Variants in NAV1 observed in about 807,000 individuals in gnomAD.
NAV1 encodes the protein neuron navigator 1.
In NAV1, 18 loss-of-function variants were observed where a neutral mutation model predicts 175.2. The observed-to-expected ratio is 0.10, with a 90% confidence interval of 0.07 to 0.15. The LOEUF (loss-of-function observed/expected upper bound fraction) is 0.15, where lower values mean the gene tolerates loss of function less well. Among genes scored for constraint, NAV1 ranks in the 10% least tolerant of loss-of-function variants. The pLI is 1.00. For missense variants in NAV1, 1,731 were observed against 2,436.6 expected, an observed-to-expected ratio of 0.71 and a Z score of 6.10; for synonymous variants, 897 against 978.7, an observed-to-expected ratio of 0.92 and a Z score of 1.56.
At chr1:201,735,510 T>G (rs945840253) in intron 3 of NAV1, among the ~76,000 whole-genome samples, 1 of 152,188 alleles carries the variant, frequency 6.6e-6, no homozygotes, top group African/African-American at 2.4e-5. Context: ...CCCACATTCA[T>G]GCATGAGGAA....
chr1:201,728,862 T>C (rs1166178790), intron 3 of NAV1, among the ~76,000 whole-genome samples: 1 of 152,198 alleles, frequency 6.6e-6, no homozygotes, highest in Non-Finnish European at 1.5e-5. Flanking sequence ...GGTGAAAGGT[T>C]GGAGTAAGCC....
intron 1 of NAV1, among the ~76,000 whole-genome samples, chr1:201,673,670 G>C (rs1374586207): frequency 1.3e-5 from 2 of 152,182 alleles, no homozygotes; most frequent in Non-Finnish European, 2.9e-5. Flanking sequence ...AAGAGTTCAA[G>C]ACCCAGATCG....
intron 1 of NAV1, among the ~76,000 whole-genome samples, chr1:201,575,967 T>A (rs1343849385): frequency 2.0e-5 from 3 of 152,216 alleles, no homozygotes; most frequent in Non-Finnish European, 2.9e-5. Context: ...ATTGTAGATT[T>A]GCATGCAATT....
At chr1:201,651,076 G>A (rs1222468980) in intron 1 of NAV1, among the ~76,000 whole-genome samples, 2 of 151,908 alleles carry the variant, frequency 1.3e-5, no homozygotes, top group African/African-American at 4.8e-5. Flanking sequence ...CCATGTGATA[G>A]AGAGCCCTGC....
Position 201,780,542 on chromosome 1 carries a change from A to G in NAV1, c.1348A>G (p.Arg450Gly), listed in dbSNP as rs563323411. ...CCCAAGTACTCCCACTGCTTCTCGC[A>G]GGAACTCAACAATAGTGGTACGTGA... The change falls in exon 4 of 30, where the codon AGG becomes GGG. Residue 450 changes from arginine to glycine, a missense_variant. Physicochemically the swap from Arg to Gly is moderately radical, Grantham distance 125. This residue lies in a region of NAV1 where 634 missense variants were observed against 766.8 expected (regional missense o/e 0.83). Transcript: ENST00000367296. 1.1e-5 allele frequency: 17 copies of G among 1,614,212 alleles called. No individual in the cohort carries two copies. The Admixed American group carries it at 2.0e-4, about 19-fold the overall frequency.
chr1:201,550,651 G>T (rs995654280), intron 1 of NAV1, among the ~76,000 whole-genome samples: 14 of 152,202 alleles, frequency 9.2e-5, no homozygotes, highest in African/African-American at 3.1e-4. Flanking sequence ...AAGTATTGAA[G>T]AAGTTGACAC....
intron 1 of NAV1, among the ~76,000 whole-genome samples, chr1:201,557,763 C>T (rs1048216493): frequency 1.1e-4 from 17 of 152,216 alleles, no homozygotes; most frequent in Middle Eastern, 3.4e-3. Context: ...AAATGTCAAA[C>T]GTGGTTTTGT....
intron 2 of NAV1, among the ~76,000 whole-genome samples, chr1:201,594,608 G>A (rs1424854602): frequency 6.6e-6 from 1 of 152,252 alleles, no homozygotes; most frequent in Non-Finnish European, 1.5e-5. Context: ...GAGGAGGACA[G>A]GCAGGCAGCA....
chr1:201,564,352 C>A (rs933969150), intron 1 of NAV1, among the ~76,000 whole-genome samples: 3 of 152,130 alleles, frequency 2.0e-5, no homozygotes, highest in African/African-American at 7.2e-5. Context: ...CGGTAGCTCA[C>A]GCCTGTAATC....
At chr1:201,557,532 A>G (rs1666061951) in intron 1 of NAV1, among the ~76,000 whole-genome samples, 1 of 152,200 alleles carries the variant, frequency 6.6e-6, no homozygotes, top group East Asian at 1.9e-4. Context: ...AATTAAAGTC[A>G]GAAACCACCC....
chr1:201,736,065 A>G (rs1673101636), intron 3 of NAV1, among the ~76,000 whole-genome samples: 1 of 152,202 alleles, frequency 6.6e-6, no homozygotes, highest in South Asian at 2.1e-4. Flanking sequence ...CCTGGCTAGG[A>G]TGCAGAGGAG....
At chr1:201,713,266 G>A (rs1671989223) in intron 2 of NAV1, among the ~76,000 whole-genome samples, 1 of 152,184 alleles carries the variant, frequency 6.6e-6, no homozygotes, top group Non-Finnish European at 1.5e-5. Context: ...GTCAAGAGAA[G>A]GTTTACTAAA....
Position 201,692,213 on chromosome 1 carries a change from G to A in NAV1, c.758-20604G>A, listed in dbSNP as rs114006915. 4.6e-3 allele frequency among the ~76,000 whole-genome samples: 704 copies of A among 152,248 alleles called. 6 individuals are homozygous for A. The highest frequency in any genetic ancestry group is 0.017 in the African/African-American group (690 of 41,514). On this transcript the variant is annotated intron_variant, in intron 1 of 29. Coordinates refer to ENST00000367296, the Ensembl canonical transcript of NAV1. ...GGTGTGGATATAGAGAAGCAGGCAG[G>A]CAATTACATTACAACGTGGTGAATG...
At chr1:201,568,171 G>A (rs527293128) in intron 1 of NAV1, among the ~76,000 whole-genome samples, 58 of 152,244 alleles carry the variant, frequency 3.8e-4, no homozygotes, top group African/African-American at 1.4e-3. Context: ...GGCAGCTGTG[G>A]AGCACTTCCC....
At chr1:201,592,194 T>G (rs1667220070) in intron 2 of NAV1, among the ~76,000 whole-genome samples, 1 of 152,188 alleles carries the variant, frequency 6.6e-6, no homozygotes, top group African/African-American at 2.4e-5. Context: ...AAAAGCTGCC[T>G]GTCTCTCCTC....
intron 6 of NAV1, 127 bp from the exon 11 acceptor site, chr1:201,783,279 A>G (rs1676453746): frequency 1.0e-6 from 1 of 977,136 alleles, no homozygotes; most frequent in African/African-American, 1.6e-5. Context: ...TCACAACAGC[A>G]TTAGGATAAG....
chr1:201,799,990 TTTTTA>T (rs1446372372), intron 15 of NAV1, among the ~76,000 whole-genome samples: 1 of 152,014 alleles, frequency 6.6e-6, no homozygotes, highest in Non-Finnish European at 1.5e-5. Context: ...TTATTTTTTA[TTTTTA>T]TTTATTTATT....
At chr1:201,554,937 A>G (rs1303745261) in intron 1 of NAV1, among the ~76,000 whole-genome samples, 1 of 152,140 alleles carries the variant, frequency 6.6e-6, no homozygotes, top group Non-Finnish European at 1.5e-5. Context: ...GTGCTTTCCG[A>G]CAATCCTTGT....
chr1:201,540,610 AG>A (rs1665485698), intron 1 of NAV1, among the ~76,000 whole-genome samples: 1 of 152,212 alleles, frequency 6.6e-6, no homozygotes, highest in Non-Finnish European at 1.5e-5. Context: ...ATATGATTCC[AG>A]CTTGCTTATG....
Sources: allele counts gnomAD v4.1 joint callset (sites outside exome capture counted in the v4.1 genomes callset), GRCh38; gene constraint gnomAD v4.1.1; regional missense constraint gnomAD v4.1.1; transcripts MANE v1.5; gene names NCBI Gene and HGNC (gene_info 2026-07-23, HGNC 2026-07-21).